Variants in IL5 observed in about 807,000 individuals in gnomAD.
The protein encoded by IL5 is interleukin-5.
IL5 carries 12 observed loss-of-function variants against 16.3 expected under a neutral mutation model. That is an observed-to-expected ratio of 0.74 (90% confidence interval 0.47 to 1.20). IL5 has a LOEUF of 1.20. IL5 is among the 50% of genes most tolerant of loss of function. The probability of loss-of-function intolerance (pLI) is 0.00; values close to 1 mark genes in which losing one functional copy is unlikely to be tolerated. For synonymous variants in IL5, 54 were observed against 56.6 expected (o/e 0.95, Z 0.21); for missense variants, 159 against 153.9 (o/e 1.03, Z -0.17).
At position 132,550,309 on chromosome 5, in the gene IL5, T is replaced by A. The variant is rs554840527; in HGVS notation, c.42+6365A>T. Among the ~76,000 whole-genome samples the A allele has an allele frequency of 1.4e-4, 21 of 151,746 alleles. No homozygotes were observed. In the South Asian group the frequency reaches 1.9e-3, roughly 14 times the overall value. On this transcript the variant is annotated intron_variant, in intron 1 of 2. Transcript: ENST00000450655. The stretch of plus-strand genomic sequence containing the variant: ...CAGATTACCCTCTGAAAATATCCAA[T>A]GCAGAAAAAAGAAATCTTTTTTTTT...
At chr5:132,545,291 T>G (rs555174483), upstream of IL5, among the ~76,000 whole-genome samples, 10 of 152,286 alleles carry the variant, frequency 6.6e-5, no homozygotes, top group African/African-American at 1.9e-4. Flanking sequence ...AGGTGAAAGT[T>G]TCAGGGGAAT....
At chr5:132,552,557 AT>A (rs1260115030) in intron 1 of IL5, among the ~76,000 whole-genome samples, 1 of 152,072 alleles carries the variant, frequency 6.6e-6, no homozygotes, top group Non-Finnish European at 1.5e-5. Context: ...TTTTTTTGTA[AT>A]GGAACCTGGT....
At chr5:132,549,612 A>C (rs1037464085) in intron 1 of IL5, among the ~76,000 whole-genome samples, 13 of 152,370 alleles carry the variant, frequency 8.5e-5, no homozygotes, top group African/African-American at 3.1e-4. Flanking sequence ...TTAATATTGA[A>C]AAGTTACATT....
At position 132,543,121 on chromosome 5, in the gene IL5, C is replaced by A; in HGVS notation, c.150G>T (p.Leu50=). Residue 50 remains leucine (L), a synonymous_variant, in exon 2 of 4, where the codon CTG becomes CTT. Coordinates refer to ENST00000231454, the MANE Select transcript of IL5 (RefSeq NM_000879.3). ...HRTLLIANET[L]RIPVPVHKNH... is the part of the protein sequence containing the mutation. ...TTTTATGTACAGGAACAGGAATCCT[C>A]AGAGTCTGGAGAGGAAAGGAAATAC... 1 of 1,607,048 alleles carries A rather than the reference C, an allele frequency of 6.2e-7. No individual in the cohort carries two copies. Among genetic ancestry groups the A allele is most frequent in the Non-Finnish European group, 8.5e-7 (1 of 1,174,310 alleles).
At chr5:132,547,896 C>A (rs373832019), upstream of IL5, among the ~76,000 whole-genome samples, 1 of 151,974 alleles carries the variant, frequency 6.6e-6, no homozygotes, top group South Asian at 2.1e-4. Context: ...ATGGTGAAAC[C>A]CTGTTTCTAC....
At chr5:132,552,847 G>C (rs886950847) in intron 1 of IL5, among the ~76,000 whole-genome samples, 2 of 152,134 alleles carry the variant, frequency 1.3e-5, no homozygotes, top group African/African-American at 4.8e-5. Context: ...CGATTTTCCT[G>C]CCTCAGCCTC....
intron 1 of IL5, among the ~76,000 whole-genome samples, chr5:132,555,728 G>A (rs2149828833): frequency 6.6e-6 from 1 of 152,288 alleles, no homozygotes. Context: ...TGTTAGCCAG[G>A]ATGGTCTTCA....
Sources: gnomAD v4.1 joint callset for allele counts (sites outside exome capture counted in the v4.1 genomes callset) on GRCh38, gnomAD v4.1.1 for gene constraint, MANE v1.5 for transcripts, NCBI Gene and HGNC (gene_info 2026-07-23, HGNC 2026-07-21) for gene names.